Variants in TDRD10 observed in about 807,000 individuals in gnomAD.
TDRD10 encodes the protein tudor domain-containing protein 10.
Under a neutral mutation model 48.0 loss-of-function variants are expected in TDRD10, and 40 were observed. The ratio of observed to expected loss-of-function variants is 0.83; its 90% CI spans 0.65 to 1.09. TDRD10 has a LOEUF of 1.09. Ranked by LOEUF, TDRD10 falls within the 50% of genes least tolerant of loss-of-function variation. The pLI, the probability that TDRD10 is intolerant of heterozygous loss-of-function variation, is 0.00. For synonymous variants in TDRD10, 162 were observed against 170.4 expected, an observed-to-expected ratio of 0.95 and a Z score of 0.38; for missense variants, 378 against 434.7, an observed-to-expected ratio of 0.87 and a Z score of 1.16.
intron 11 of TDRD10, among the ~76,000 whole-genome samples, chr1:154,546,458 T>TTATA (rs1557840883): frequency 6.9e-6 from 1 of 144,182 alleles, no homozygotes; most frequent in Non-Finnish European, 1.5e-5. Flanking sequence ...ATATTATATA[T>TTATA]TATGTAACAT....
chr1:154,520,174 A>G, intron 4 of TDRD10, 130 bp from the exon 5 acceptor site: 1 of 661,746 alleles, frequency 1.5e-6, no homozygotes, highest in Admixed American at 2.5e-5. Context: ...TGGCACGTAC[A>G]GCACATAATA....
rs751346307 is a variant in TDRD10 at position 154,543,953 on chromosome 1, C to T, written c.504-10C>T. On this transcript the variant is annotated splice_polypyrimidine_tract_variant and intron_variant, in intron 8 of 12. Coordinates refer to ENST00000368482, the MANE Select transcript of TDRD10 (RefSeq NM_182499.4). ...CGTTCCTTTCCTTGCTCCCCTTGCTCTTCCCGCAGAGGGTCCTTCCTGGTG... is the reference window on the plus strand; with the variant it reads ...CGTTCCTTTCCTTGCTCCCCTTGCTTTTCCCGCAGAGGGTCCTTCCTGGTG... 5 of 1,613,388 alleles carry T rather than the reference C, an allele frequency of 3.1e-6. No individual in the cohort carries two copies. In the African/African-American group the frequency reaches 6.7e-5, roughly 22 times the overall value.
intron 6 of TDRD10, among the ~76,000 whole-genome samples, chr1:154,537,388 T>C (rs1199711371): frequency 1.3e-5 from 2 of 152,262 alleles, no homozygotes; most frequent in African/African-American, 2.4e-5. Flanking sequence ...CAGAGGTCTT[T>C]GTCTTTCATC....
chr1:154,547,701 G>A lies in TDRD10; in HGVS notation c.1047G>A (p.Glu349=). Reference sequence around the variant, plus strand: ...AGTTGCACATCCTAAAGTTTGAAGAGTCTAAATAACGGGGCTTCCCTCAGC... The same window carrying A: ...AGTTGCACATCCTAAAGTTTGAAGAATCTAAATAACGGGGCTTCCCTCAGC... ...NSALHILKFE[E]SK The change falls in exon 13 of 13, where the codon GAG becomes GAA. Residue 349 remains glutamate, a synonymous_variant. Coordinates refer to ENST00000368482, the MANE Select transcript of TDRD10 (RefSeq NM_182499.4). 1 of 1,613,862 alleles carries A rather than the reference G, an allele frequency of 6.2e-7. No homozygotes were observed. The highest frequency in any genetic ancestry group is 8.5e-7 in the Non-Finnish European group (1 of 1,179,904).
chr1:154,546,129 A>G (rs978567686), intron 11 of TDRD10, among the ~76,000 whole-genome samples: 20 of 149,444 alleles, frequency 1.3e-4, no homozygotes, highest in African/African-American at 4.9e-5. Flanking sequence ...GCTGGAGTGC[A>G]GTGGCGTGAT....
intron 4 of TDRD10, among the ~76,000 whole-genome samples, chr1:154,510,927 T>TC (rs879798225): frequency 6.6e-5 from 10 of 150,970 alleles, no homozygotes; most frequent in Non-Finnish European, 1.2e-4. Context: ...GCGCCTGTAG[T>TC]CCCAGCTACT....
intron 6 of TDRD10, among the ~76,000 whole-genome samples, chr1:154,528,650 C>G (rs1694440119): frequency 3.6e-5 from 2 of 56,196 alleles, no homozygotes; most frequent in Admixed American, 2.7e-4. Flanking sequence ...GAAACCCTGT[C>G]TCTACTAAAA....
chr1:154,515,887 G>C (rs1451956957), intron 4 of TDRD10, among the ~76,000 whole-genome samples: 2 of 152,074 alleles, frequency 1.3e-5, no homozygotes, highest in Non-Finnish European at 2.9e-5. Flanking sequence ...GCTAATTTTT[G>C]TATTTTTTTA....
chr1:154,512,448 A>C (rs1693538525), intron 4 of TDRD10, among the ~76,000 whole-genome samples: 1 of 152,022 alleles, frequency 6.6e-6, no homozygotes, highest in African/African-American at 2.4e-5. Flanking sequence ...AGGTTCAAGA[A>C]ATTCTTCTGC....
At chr1:154,534,810 T>C (rs908501854) in intron 6 of TDRD10, among the ~76,000 whole-genome samples, 1 of 152,022 alleles carries the variant, frequency 6.6e-6, no homozygotes, top group Non-Finnish European at 1.5e-5. Flanking sequence ...AAGATAAGCT[T>C]ACGTGGCACA....
chr1:154,547,597 A>G, intron 12 of TDRD10, 81 bp from the exon 13 acceptor site: 1 of 1,614,162 alleles, frequency 6.2e-7, no homozygotes. Context: ...TTTAGATCAA[A>G]CGAACTGGTT....
At chr1:154,528,415 G>A (rs191912696) in intron 6 of TDRD10, among the ~76,000 whole-genome samples, 21 of 151,754 alleles carry the variant, frequency 1.4e-4, no homozygotes, top group Non-Finnish European at 2.6e-4. Context: ...TACTAGAGAC[G>A]GGGTCTCGCC....
At chr1:154,544,990 A>C (rs1240273216) in intron 11 of TDRD10, 41 bp downstream of exon 11, 1 of 1,604,084 alleles carries the variant, frequency 6.2e-7, no homozygotes, top group Admixed American at 1.7e-5. Context: ...TTTCAGGGAC[A>C]GGAGAAGCCA....
chr1:154,544,821 C>T lies in TDRD10; in HGVS notation c.824C>T (p.Thr275Ile). 2 of 1,614,166 alleles carry T rather than the reference C, an allele frequency of 1.2e-6. No individual in the cohort carries two copies. Among genetic ancestry groups the T allele is most frequent in the Non-Finnish European group, 1.7e-6 (2 of 1,180,038 alleles). The change falls in exon 11 of 13, where the codon ACC becomes ATC. Residue 275 changes from threonine (T) to isoleucine (I), a missense_variant. By Grantham distance (89) the Thr-to-Ile change is moderately conservative (BLOSUM62 -1). This residue lies in a region of TDRD10 where 68 missense variants were observed against 111.1 expected (regional missense o/e 0.61). Coordinates refer to ENST00000368482, the MANE Select transcript of TDRD10 (RefSeq NM_182499.4). ...TGTTGGGTGCTGGACAGGGTGGACA[C>T]CTGGGCTGTGGTCATGTTCATTGAT... Reference protein sequence around the residue: ...NRCWVLDRVDTWAVVMFIDFG... With the variant: ...NRCWVLDRVDIWAVVMFIDFG...
At chr1:154,545,069 A>G in intron 11 of TDRD10, 120 bp downstream of exon 11, 1 of 1,338,976 alleles carries the variant, frequency 7.5e-7, no homozygotes, top group East Asian at 2.4e-5. Flanking sequence ...CTCTCTTTCC[A>G]CCCAACCCCA....
rs754555890 is a variant in TDRD10, at chr1:154,547,529, T to TG, written c.1023+54dup. On this transcript the variant is annotated intron_variant, in intron 12 of 12. Transcript: ENST00000368482. ...GCTGTTGTCCCTCCACTCCTGCCCTTGGGGTGTCTGCAGCAGGCTGCTGCC... is the reference window on the plus strand; with the variant it reads ...GCTGTTGTCCCTCCACTCCTGCCCTTGGGGGTGTCTGCAGCAGGCTGCTGCC... 1.9e-6 allele frequency: 3 copies of TG among 1,614,242 alleles called. No homozygotes were observed. The South Asian group carries it at 3.3e-5, about 18-fold the overall frequency.
At chr1:154,527,655 G>T (rs1213820879) in intron 6 of TDRD10, among the ~76,000 whole-genome samples, 77 of 152,212 alleles carry the variant, frequency 5.1e-4, no homozygotes, top group Non-Finnish European at 1.5e-5. Context: ...GAAAAAAAAA[G>T]ATGGATAAGT....
rs74890091 is a variant in TDRD10, at chr1:154,510,017, G to A, written c.141+1536G>A. 1,083 of 284,166 alleles carry A rather than the reference G, an allele frequency of 3.8e-3. 31 individuals carry two copies. The East Asian group carries it at 0.052, about 14-fold the overall frequency. 17.6% of individuals were successfully genotyped at this position (284,166 alleles called of 1,614,324 possible). On this transcript the variant is annotated intron_variant, in intron 4 of 12. Transcript: ENST00000368482. ...CATCCTTGTCCCCTTCGCAGAAAGC[G>A]GCAGCCCCTACCCATAGTGCCTTCT...
At chr1:154,512,166 C>T (rs906483261) in intron 4 of TDRD10, among the ~76,000 whole-genome samples, 3 of 152,182 alleles carry the variant, frequency 2.0e-5, no homozygotes, top group Non-Finnish European at 4.4e-5. Flanking sequence ...GCCCTTCCTC[C>T]CAGCCCCTGG....
Sources: allele counts gnomAD v4.1 joint callset (sites outside exome capture counted in the v4.1 genomes callset), GRCh38; gene constraint gnomAD v4.1.1; regional missense constraint gnomAD v4.1.1; transcripts MANE v1.5; gene names NCBI Gene and HGNC (gene_info 2026-07-23, HGNC 2026-07-21).